MICAL2: variants seen among roughly 807,000 people sequenced by gnomAD.
MICAL2 encodes the protein [F-actin]-monooxygenase MICAL2.
Under a neutral mutation model 127.3 loss-of-function variants are expected in MICAL2, and 77 were observed. The observed-to-expected ratio is 0.60, with a 90% CI of 0.50 to 0.73. The LOEUF is 0.73. Ranked by LOEUF, MICAL2 falls within the 30% of genes least tolerant of loss-of-function variation. The probability of loss-of-function intolerance (pLI) is 0.00; values close to 1 mark genes in which losing one functional copy is unlikely to be tolerated. For missense variants in MICAL2, 1,351 were observed against 1,434.4 expected, an observed-to-expected ratio of 0.94 and a Z score of 0.94; for synonymous variants, 570 against 551.1, an observed-to-expected ratio of 1.03 and a Z score of -0.48.
intron 12 of MICAL2, 79 bp downstream of exon 12, chr11:12,223,580 A>AC: frequency 1.5e-6 from 2 of 1,300,750 alleles, no homozygotes; most frequent in Admixed American, 1.7e-5. Flanking sequence ...GACCGTGGTG[A>AC]CACAGGCACT....
At chr11:12,261,360 G>A (rs1590698968) in intron 26 of MICAL2, 1 of 985,528 alleles carries the variant, frequency 1.0e-6, no homozygotes, top group South Asian at 4.7e-5. Flanking sequence ...GCTATTTATG[G>A]ACTGATCCAA....
Position 12,244,026 on chromosome 11 carries a change from C to G in MICAL2, c.2698C>G (p.Pro900Ala). The G allele has an allele frequency of 6.2e-7, 1 of 1,613,788 alleles. No homozygotes were observed. Among genetic ancestry groups the G allele is most frequent in the Non-Finnish European group, 8.5e-7 (1 of 1,179,660 alleles). Residue 900 changes from proline (P) to alanine (A), a missense_variant, in exon 21 of 28, where the codon CCA becomes GCA. By Grantham distance (27) the Pro-to-Ala change is conservative. Transcript: ENST00000683283. Reference protein sequence around the residue: ...LSKGLSHTHPPSPPSRLPSPD... With the variant: ...LSKGLSHTHPASPPSRLPSPD... ...TAAAGGCCTGTCTCATACTCATCCT[C>G]CATCTCCTCCCTCTCGCCTTCCGTC...
At chr11:12,117,241 A>G (rs1042142399) in intron 1 of MICAL2, among the ~76,000 whole-genome samples, 1 of 151,928 alleles carries the variant, frequency 6.6e-6, no homozygotes, top group African/African-American at 2.4e-5. Flanking sequence ...TGCTGGCAGC[A>G]AGAGGAGGGC....
chr11:12,261,897 T>A, intron 26 of MICAL2: 4 of 986,438 alleles, frequency 4.1e-6, no homozygotes, highest in Non-Finnish European at 4.8e-6. Context: ...TGTTTGAGTA[T>A]AGAAAGTAAA....
At chr11:12,127,549 G>A (rs1297062307) in intron 1 of MICAL2, among the ~76,000 whole-genome samples, 4 of 152,120 alleles carry the variant, frequency 2.6e-5, no homozygotes, top group African/African-American at 4.8e-5. Flanking sequence ...GGAGCAGCTC[G>A]GGGAGGGCTG....
Position 12,263,544 on chromosome 11 carries a change from T to G in MICAL2, c.*18-16T>G, listed in dbSNP as rs1166277244. ...CCAGTACAAAGTCGTTGCTCTTGTC[T>G]TATCTTCTCTTACAGAGTCTCCCTC... On this transcript the variant is annotated splice_polypyrimidine_tract_variant and intron_variant, in intron 27 of 27. Transcript: ENST00000683283. The G allele has an allele frequency of 6.6e-6, 1 of 152,620 alleles. No individual in the cohort carries two copies. Among genetic ancestry groups the G allele is most frequent in the Non-Finnish European group, 1.5e-5 (1 of 68,040 alleles). 9.5% of individuals were successfully genotyped at this position (152,620 alleles called of 1,614,324 possible).
intron 20 of MICAL2, 50 bp from the exon 21 acceptor site, chr11:12,243,937 T>A (rs1278389345): frequency 1.2e-6 from 2 of 1,605,356 alleles, no homozygotes; most frequent in Non-Finnish European, 1.7e-6. Context: ...TGTATCACCA[T>A]GTGTGACTCC....
rs12224106 is a variant in MICAL2, at chr11:12,144,032, G to T, written c.-78+5572G>T. Among the ~76,000 whole-genome samples the T allele has an allele frequency of 3.5e-3, 535 of 152,178 alleles. 16 individuals carry two copies. The East Asian group carries it at 0.07, about 20-fold the overall frequency. On this transcript the variant is annotated intron_variant, in intron 2 of 27. Coordinates refer to ENST00000683283, the MANE Select transcript of MICAL2 (RefSeq NM_001282663.2). ...CCACTTTAATGAATACCTTGCTGAGGTCTGCCCCAGGAAATGAGTTTCAAA... is the reference window on the plus strand; with the variant it reads ...CCACTTTAATGAATACCTTGCTGAGTTCTGCCCCAGGAAATGAGTTTCAAA...
intron 31 of MICAL2, among the ~76,000 whole-genome samples, chr11:12,326,772 C>T (rs528094446): frequency 1.5e-4 from 23 of 152,276 alleles, no homozygotes; most frequent in Admixed American, 1.2e-3. Flanking sequence ...TATGCAAGTA[C>T]TTTGTTTGCC....
chr11:12,259,002 T>C (rs543690950), intron 25 of MICAL2, among the ~76,000 whole-genome samples: 1 of 152,394 alleles, frequency 6.6e-6, no homozygotes, highest in Admixed American at 6.5e-5. Context: ...ACTGAATTCA[T>C]AGATGGTTTG....
At chr11:12,227,216 T>C in intron 15 of MICAL2, 85 bp downstream of exon 15, 1 of 992,688 alleles carries the variant, frequency 1.0e-6, no homozygotes. Flanking sequence ...TCTCAGCCTG[T>C]TGAGGCTAGT....
chr11:12,358,411 G>T lies in MICAL2; in HGVS notation c.5806G>T (p.Glu1936Ter). 1 of 1,614,164 alleles carries T rather than the reference G, an allele frequency of 6.2e-7. No individual in the cohort carries two copies. Among genetic ancestry groups the T allele is most frequent in the Non-Finnish European group, 8.5e-7 (1 of 1,180,026 alleles). Residue 1936 changes from glutamate to a stop codon, truncating the protein, a stop_gained, in exon 35 of 35, where the codon GAA becomes TAA. Coordinates refer to the MICAL2 transcript ENST00000646065. LOFTEE classifies it high-confidence loss of function. ...TTCCTTAGAGGAACAACGCATCAGAGAAAAAGCCGAGGACCAGCACTTTGA... is the reference window on the plus strand; with the variant it reads ...TTCCTTAGAGGAACAACGCATCAGATAAAAAGCCGAGGACCAGCACTTTGA...
downstream of MICAL2, among the ~76,000 whole-genome samples, chr11:12,289,930 C>G (rs988537299): frequency 1.3e-5 from 2 of 152,214 alleles, no homozygotes; most frequent in Non-Finnish European, 2.9e-5. Flanking sequence ...CTGCACCAGA[C>G]AGCCCACTTT....
At chr11:12,329,862 G>GAAAAAAAA (rs59395634) in intron 32 of MICAL2, among the ~76,000 whole-genome samples, 107 of 121,790 alleles carry the variant, frequency 8.8e-4, no homozygotes, top group East Asian at 3.7e-3. Context: ...CCCCAAATAT[G>GAAAAAAAA]AAAAAAAAAA....
intron 32 of MICAL2, among the ~76,000 whole-genome samples, chr11:12,347,881 C>T (rs150633065): frequency 1.5e-4 from 23 of 152,148 alleles, no homozygotes; most frequent in Non-Finnish European, 2.5e-4. Context: ...AGGCCAGGCA[C>T]GGTGGCTCAC....
At position 12,209,676 on chromosome 11, in the gene MICAL2, T is replaced by C. The variant is rs868022848; in HGVS notation, c.691+78T>C. 16 of 1,291,844 alleles carry C rather than the reference T, an allele frequency of 1.2e-5. No homozygotes were observed. In the Middle Eastern group the frequency reaches 8.9e-4, roughly 72 times the overall value. The allele number at this position is 1,291,844 out of a possible 1,614,324, so 80.0% of individuals were successfully genotyped here. A position where few individuals can be genotyped will look rare whatever the true frequency, so the allele number is the denominator to read the frequency against. ...TACATTGGGGAAGAGTTGGAGAAAG[T>C]GGGCAAGATGCAGATGCCAGAGCTG... On this transcript the variant is annotated intron_variant, in intron 6 of 27. Coordinates refer to ENST00000683283, the MANE Select transcript of MICAL2 (RefSeq NM_001282663.2).
intron 3 of MICAL2, among the ~76,000 whole-genome samples, chr11:12,176,462 TC>T (rs561614359): frequency 8.4e-4 from 128 of 152,316 alleles, no homozygotes; most frequent in Non-Finnish European, 1.7e-3. Flanking sequence ...TCTTGAACTA[TC>T]CCCTTGCCTT....
Position 12,311,132 on chromosome 11 carries a change from A to C in MICAL2, c.5213-8564A>C, listed in dbSNP as rs1322054449. Among the ~76,000 whole-genome samples the C allele has an allele frequency of 3.3e-5, 5 of 152,120 alleles. No homozygotes were observed. The East Asian group carries it at 9.6e-4, about 29-fold the overall frequency. On this transcript the variant is annotated intron_variant, in intron 29 of 34. Transcript: ENST00000646065. Reference sequence around the variant, plus strand: ...TACAAAATCATGTCATCTGCAAATAAGCATTATTTGACTCCTTCTTTTCCA... The same window carrying C: ...TACAAAATCATGTCATCTGCAAATACGCATTATTTGACTCCTTCTTTTCCA...
intron 32 of MICAL2, chr11:12,327,348 G>A (rs888571243): frequency 8.6e-7 from 1 of 1,161,774 alleles, no homozygotes; most frequent in African/African-American, 1.5e-5. Context: ...AACAGACCTT[G>A]TCACCTGCTG....
Sources: gnomAD v4.1 joint callset for allele counts (sites outside exome capture counted in the v4.1 genomes callset) on GRCh38, gnomAD v4.1.1 for gene constraint, MANE v1.5 for transcripts, NCBI Gene and HGNC (gene_info 2026-07-23, HGNC 2026-07-21) for gene names.